The following GTF2F2 variants were observed in gnomAD, a reference collection of about 807,000 sequenced individuals.
GTF2F2 encodes the protein general transcription factor IIF subunit 2.
Under a neutral mutation model 42.2 loss-of-function variants are expected in GTF2F2, and 23 were observed. The ratio of observed to expected loss-of-function variants is 0.55; its 90% CI spans 0.39 to 0.77. The LOEUF is 0.77. GTF2F2 is among the 30% of genes least tolerant of loss of function. GTF2F2 has a pLI of 0.00. For missense variants in GTF2F2, 261 were observed against 287.2 expected (o/e 0.91, Z 0.66); for synonymous variants, 105 against 100.8 (o/e 1.04, Z -0.25).
intron 4 of GTF2F2, among the ~76,000 whole-genome samples, chr13:45,201,839 T>C (rs1873200168): frequency 1.3e-5 from 2 of 152,158 alleles, no homozygotes; most frequent in South Asian, 4.1e-4. Flanking sequence ...GGAAAAGATA[T>C]GAATTGAGCC....
chr13:45,265,546 G>C (rs1000742238), intron 6 of GTF2F2, among the ~76,000 whole-genome samples: 4 of 152,108 alleles, frequency 2.6e-5, no homozygotes, highest in Non-Finnish European at 5.9e-5. Context: ...TTTACTCCCA[G>C]TTCGTACATA....
intron 5 of GTF2F2, among the ~76,000 whole-genome samples, chr13:45,245,492 A>G (rs1006935082): frequency 1.3e-5 from 2 of 151,894 alleles, no homozygotes; most frequent in African/African-American, 2.4e-5. Context: ...AAGTCATTGT[A>G]TCATTCTCAT....
chr13:45,168,779 GCTTCCTTCCTTCCTTCCTTC>G (rs368098791), intron 4 of GTF2F2, among the ~76,000 whole-genome samples: 13 of 125,620 alleles, frequency 1.0e-4, no homozygotes, highest in South Asian at 2.8e-4. Context: ...CACCTGGCTG[GCTTCCTTCCTTCCTTCCTTC>G]CTTCCTTCCT....
chr13:45,232,521 G>A (rs906491789), intron 5 of GTF2F2, among the ~76,000 whole-genome samples: 5 of 152,088 alleles, frequency 3.3e-5, no homozygotes, highest in Non-Finnish European at 5.9e-5. Context: ...TATAGTCCCA[G>A]CTACTCAGGA....
At position 45,219,783 on chromosome 13, in the gene GTF2F2, G is replaced by T. The variant is rs554119013; in HGVS notation, c.386+12278G>T. 2.6e-5 allele frequency among the ~76,000 whole-genome samples: 4 copies of T among 152,200 alleles called. No homozygotes were observed. The South Asian group carries it at 8.3e-4, about 32-fold the overall frequency. ...CCAGATATTTCTATTGTCATATATT[G>T]TACACTTTTGTTTTTATGACTTGAA... On this transcript the variant is annotated intron_variant, in intron 5 of 7. Transcript: ENST00000340473.
intron 4 of GTF2F2, among the ~76,000 whole-genome samples, chr13:45,159,150 CA>C (rs1870911466): frequency 6.6e-6 from 1 of 152,210 alleles, no homozygotes; most frequent in Non-Finnish European, 1.5e-5. Context: ...GATAAAGTAG[CA>C]GCTGAGTTCA....
intron 3 of GTF2F2, 43 bp downstream of exon 3, chr13:45,149,831 A>G (rs200817280): frequency 1.2e-4 from 176 of 1,467,258 alleles, no homozygotes; most frequent in Non-Finnish European, 1.5e-4. Context: ...ACTTGAGACT[A>G]TCTTTTCATT....
intron 4 of GTF2F2, among the ~76,000 whole-genome samples, chr13:45,178,623 TTC>T (rs1041555220): frequency 6.6e-6 from 1 of 152,190 alleles, no homozygotes; most frequent in Admixed American, 6.5e-5. Flanking sequence ...TTTTCTTTTT[TTC>T]TTTTTCTCCT....
At chr13:45,190,033 A>G (rs1263148691) in intron 4 of GTF2F2, among the ~76,000 whole-genome samples, 2 of 152,344 alleles carry the variant, frequency 1.3e-5, no homozygotes, top group African/African-American at 4.8e-5. Context: ...GCTTCTGCAC[A>G]GCAAAAGAAA....
At position 45,143,229 on chromosome 13, in the gene GTF2F2, C is replaced by G. The variant is rs540253831; in HGVS notation, c.140+6423C>G. ...CTGATTCCTAGAGGCAGATTAACCT[C>G]TAAGTATGTAGGTTTATAGGTTATA... On this transcript the variant is annotated intron_variant, in intron 2 of 7. Coordinates refer to ENST00000340473, the MANE Select transcript of GTF2F2 (RefSeq NM_004128.3). Among the ~76,000 whole-genome samples, 114 of 152,212 alleles carry G rather than the reference C, an allele frequency of 7.5e-4. 2 individuals are homozygous for G. The highest frequency in any genetic ancestry group is 1.3e-3 in the Non-Finnish European group (90 of 68,014).
chr13:45,262,469 C>T (rs1281366218), intron 6 of GTF2F2, among the ~76,000 whole-genome samples: 1 of 152,058 alleles, frequency 6.6e-6, no homozygotes, highest in Non-Finnish European at 1.5e-5. Context: ...ACTCCGTTGC[C>T]CAGGTTGGAG....
At chr13:45,148,489 G>A (rs1348604162) in intron 2 of GTF2F2, among the ~76,000 whole-genome samples, 1 of 152,016 alleles carries the variant, frequency 6.6e-6, no homozygotes, top group African/African-American at 2.4e-5. Context: ...TTCTGGTACT[G>A]TATTTCCCCA....
chr13:45,150,462 T>C (rs1870430450), intron 3 of GTF2F2, among the ~76,000 whole-genome samples: 1 of 152,126 alleles, frequency 6.6e-6, no homozygotes, highest in Non-Finnish European at 1.5e-5. Flanking sequence ...TGTTTAAGCT[T>C]TTCAGAGTAA....
At chr13:45,171,428 G>A (rs1871595312) in intron 4 of GTF2F2, among the ~76,000 whole-genome samples, 1 of 152,108 alleles carries the variant, frequency 6.6e-6, no homozygotes, top group African/African-American at 2.4e-5. Flanking sequence ...TAATTTGAGG[G>A]TTCTGCATGG....
At chr13:45,234,567 A>T (rs1566144975) in intron 5 of GTF2F2, among the ~76,000 whole-genome samples, 1 of 152,216 alleles carries the variant, frequency 6.6e-6, no homozygotes, top group African/African-American at 2.4e-5. Flanking sequence ...AATAGCAAAA[A>T]TATTTATTTT....
At chr13:45,201,219 A>G (rs920280450) in intron 4 of GTF2F2, among the ~76,000 whole-genome samples, 2 of 152,220 alleles carry the variant, frequency 1.3e-5, no homozygotes, top group African/African-American at 4.8e-5. Context: ...TCTTTGACAT[A>G]GAGTGTATGT....
Position 45,120,594 on chromosome 13 carries a change from C to T in GTF2F2, c.-62C>T, listed in dbSNP as rs1428313597. 8.6e-6 allele frequency: 11 copies of T among 1,284,590 alleles called. No individual in the cohort carries two copies. Among genetic ancestry groups the T allele is most frequent in the Non-Finnish European group, 1.2e-5 (11 of 905,210 alleles). The allele number at this position is 1,284,590 out of a possible 1,614,324, so 79.6% of individuals were successfully genotyped here. ...TGTCCTTTGTTCCGGACGCCCGCTCCTCAGCCCTGCGGCTCCTGGGGTCGC... is the reference window on the plus strand; with the variant it reads ...TGTCCTTTGTTCCGGACGCCCGCTCTTCAGCCCTGCGGCTCCTGGGGTCGC... On this transcript the variant is annotated 5_prime_UTR_variant, in exon 1 of 8. Transcript: ENST00000340473.
intron 4 of GTF2F2, among the ~76,000 whole-genome samples, chr13:45,162,096 C>T (rs1438545094): frequency 1.3e-5 from 2 of 152,186 alleles, no homozygotes; most frequent in African/African-American, 4.8e-5. Context: ...GATGATATGA[C>T]AGAAGCTCTA....
chr13:45,279,040 C>G (rs1877151526), intron 7 of GTF2F2, among the ~76,000 whole-genome samples: 1 of 152,016 alleles, frequency 6.6e-6, no homozygotes, highest in East Asian at 1.9e-4. Context: ...GCCGGCTGGT[C>G]TTGAATTCCT....
Sources: allele counts gnomAD v4.1 joint callset (sites outside exome capture counted in the v4.1 genomes callset), GRCh38; gene constraint gnomAD v4.1.1; transcripts MANE v1.5; gene names NCBI Gene and HGNC (gene_info 2026-07-23, HGNC 2026-07-21).